NRXN3: variants seen among roughly 807,000 people sequenced by gnomAD.
NRXN3 encodes the protein neurexin III.
Under a neutral mutation model 137.6 loss-of-function variants are expected in NRXN3, and 32 were observed. That is an observed-to-expected ratio of 0.23 (90% CI 0.18 to 0.31). The LOEUF is 0.31. NRXN3 is among the 10% of genes least tolerant of loss of function. NRXN3 has a pLI of 1.00. For missense variants in NRXN3, 1,574 were observed against 2,062.5 expected (o/e 0.76, Z 4.59); for synonymous variants, 798 against 784.5 (o/e 1.02, Z -0.29).
At chr14:78,850,168 G>GAGAGAA (rs200208640) in intron 10 of NRXN3, among the ~76,000 whole-genome samples, 6,968 of 152,038 alleles carry the variant, frequency 0.046, 199 homozygotes, top group South Asian at 0.074. Context: ...GAGGAAGAGG[G>GAGAGAA]AGAGAAAGAG....
At chr14:79,123,238 TGCGTGCGCGCACACACACACACAA>T (rs1334465838) in intron 15 of NRXN3, among the ~76,000 whole-genome samples, 1 of 151,818 alleles carries the variant, frequency 6.6e-6, no homozygotes, top group Non-Finnish European at 1.5e-5. Flanking sequence ...CGCGCGTGTG[TGCGTGCGCGCACACACACACACAA>T]GCCTGGGAAG....
Position 78,943,651 on chromosome 14 carries a change from T to A in NRXN3, c.2276-13591T>A, listed in dbSNP as rs1348325335. 9.2e-3 allele frequency among the ~76,000 whole-genome samples: 667 copies of A among 72,282 alleles called. 61 individuals carry two copies. The highest frequency in any genetic ancestry group is 0.045 in the African/African-American group (525 of 11,614). The allele number at this position is 72,282 out of a possible 152,430, so 47.4% of individuals were successfully genotyped here. A position where few individuals can be genotyped will look rare whatever the true frequency, so the allele number is the denominator to read the frequency against. On this transcript the variant is annotated intron_variant, in intron 10 of 20. Transcript: ENST00000335750. ...ATATATATATATATATATATATATA[T>A]ATATATATATATATATATATATATA...
intron 15 of NRXN3, among the ~76,000 whole-genome samples, chr14:79,358,247 C>T (rs1193203421): frequency 6.6e-6 from 1 of 152,030 alleles, no homozygotes; most frequent in Non-Finnish European, 1.5e-5. Context: ...AGGTTGAGTA[C>T]ACAGAGCCAA....
At chr14:78,779,160 T>C (rs1462615869) in intron 8 of NRXN3, among the ~76,000 whole-genome samples, 1 of 152,088 alleles carries the variant, frequency 6.6e-6, no homozygotes, top group African/African-American at 2.4e-5. Context: ...TTTAATTCGG[T>C]ATTTTAAAAA....
At chr14:78,213,649 A>G (rs2062964371) in intron 1 of NRXN3, among the ~76,000 whole-genome samples, 1 of 152,072 alleles carries the variant, frequency 6.6e-6, no homozygotes, top group Admixed American at 6.6e-5. Flanking sequence ...GAGTGGCCGC[A>G]ATGTGAATGC....
chr14:78,358,032 T>C (rs2084584805), intron 4 of NRXN3, among the ~76,000 whole-genome samples: 1 of 152,098 alleles, frequency 6.6e-6, no homozygotes. Context: ...TCAGGTGAGT[T>C]GAGGGGGTTG....
intron 4 of NRXN3, among the ~76,000 whole-genome samples, chr14:78,457,912 G>A (rs185141354): frequency 6.6e-6 from 1 of 152,116 alleles, no homozygotes; most frequent in Non-Finnish European, 1.5e-5. Context: ...TGTGGTAAGG[G>A]CCAGATGGTA....
chr14:79,750,832 C>T (rs1043557202), intron 19 of NRXN3, among the ~76,000 whole-genome samples: 5 of 151,988 alleles, frequency 3.3e-5, no homozygotes, highest in Admixed American at 1.3e-4. Flanking sequence ...TAATTAAAAC[C>T]CCCCAAAAAG....
chr14:79,698,957 T>C lies in NRXN3; in HGVS notation c.4014+1020T>C, dbSNP rs143144091. On this transcript the variant is annotated intron_variant, in intron 19 of 20. Transcript: ENST00000335750. The stretch of plus-strand genomic sequence containing the variant: ...TTCCCATTTTTCAGAATTAAATGTA[T>C]GTGAGCTAGGTAATGGTAAGTGTAT... 2.9e-3 allele frequency among the ~76,000 whole-genome samples: 436 copies of C among 152,178 alleles called. 4 individuals are homozygous for C. Among genetic ancestry groups the C allele is most frequent in the African/African-American group, 9.9e-3 (411 of 41,532 alleles).
At chr14:78,988,391 G>A (rs1473784275) in intron 15 of NRXN3, 4 of 463,750 alleles carry the variant, frequency 8.6e-6, no homozygotes, top group African/African-American at 8.0e-5. Flanking sequence ...AATAGCGACT[G>A]AGAAACAATA....
At chr14:78,782,526 G>T (rs957448234) in intron 8 of NRXN3, among the ~76,000 whole-genome samples, 20 of 152,204 alleles carry the variant, frequency 1.3e-4, no homozygotes, top group African/African-American at 4.3e-4. Flanking sequence ...GGATTGACCA[G>T]GAAATTCTAA....
At chr14:79,750,566 G>C (rs1200264617) in intron 19 of NRXN3, among the ~76,000 whole-genome samples, 1 of 152,076 alleles carries the variant, frequency 6.6e-6, no homozygotes, top group Non-Finnish European at 1.5e-5. Context: ...GTTTGATGAA[G>C]GTCACAAAAG....
At chr14:78,842,682 G>T (rs557430177) in intron 10 of NRXN3, among the ~76,000 whole-genome samples, 39 of 152,130 alleles carry the variant, frequency 2.6e-4, no homozygotes, top group Middle Eastern at 3.4e-3. Context: ...CAGGAGATTG[G>T]GGCTTATTTC....
At chr14:79,280,191 T>C in intron 15 of NRXN3, 1 of 1,535,624 alleles carries the variant, frequency 6.5e-7, no homozygotes, top group South Asian at 1.3e-5. Flanking sequence ...TTCTGGCAAC[T>C]CTTCCTCCTG....
At chr14:79,661,861 A>G (rs1202602348) in intron 16 of NRXN3, 1 of 152,122 alleles carries the variant, frequency 6.6e-6, no homozygotes, top group Non-Finnish European at 1.5e-5. Context: ...TGTCAGAATT[A>G]CTACTGATAT....
In NRXN3 at chr14:78,277,142, G is replaced by C. The variant is rs1003430958; in HGVS notation, c.710-1503G>C. On this transcript the variant is annotated intron_variant, in intron 2 of 20. Coordinates refer to ENST00000335750, the MANE Select transcript of NRXN3 (RefSeq NM_001330195.2). ...TGTTGCTATGGGTATGTTCATTCTG[G>C]GGCACAGCTTAGTTGGTCAGCACCT... Among the ~76,000 whole-genome samples the C allele has an allele frequency of 1.3e-4, 20 of 152,296 alleles. 1 individual carries two copies. The highest frequency in any genetic ancestry group is 2.8e-4 in the Non-Finnish European group (19 of 68,018).
At chr14:79,618,179 T>C (rs746504958) in intron 16 of NRXN3, among the ~76,000 whole-genome samples, 1 of 152,098 alleles carries the variant, frequency 6.6e-6, no homozygotes, top group Non-Finnish European at 1.5e-5. Flanking sequence ...TTATTTATTA[T>C]GGATGGTCAT....
At chr14:78,277,754 G>T (rs571968497) in intron 2 of NRXN3, among the ~76,000 whole-genome samples, 2 of 152,248 alleles carry the variant, frequency 1.3e-5, no homozygotes, top group South Asian at 4.1e-4. Context: ...TCCCCAGCCC[G>T]ATTCTATTTC....
rs370972223 is a variant in NRXN3 at position 78,996,991 on chromosome 14, A to T, written c.3262+8850A>T. On this transcript the variant is annotated intron_variant, in intron 15 of 20. Coordinates refer to ENST00000335750, the MANE Select transcript of NRXN3 (RefSeq NM_001330195.2). ...GTAGCTTGTTGCCCATGGGAATCAC[A>T]CTTGCTTTTAAGTTCCATCAATATT... 2.2e-4 allele frequency among the ~76,000 whole-genome samples: 34 copies of T among 152,236 alleles called. 2 individuals carry two copies. Among genetic ancestry groups the T allele is most frequent in the African/African-American group, 8.2e-4 (34 of 41,552 alleles).
Sources: allele counts gnomAD v4.1 joint callset (sites outside exome capture counted in the v4.1 genomes callset), GRCh38; gene constraint gnomAD v4.1.1; transcripts MANE v1.5; gene names NCBI Gene and HGNC (gene_info 2026-07-23, HGNC 2026-07-21).